The following RERE variants were observed in gnomAD, a reference collection of about 807,000 sequenced individuals.
RERE encodes arginine-glutamic acid dipeptide repeats protein.
Under a neutral mutation model 146.1 loss-of-function variants are expected in RERE, and 40 were observed. The ratio of observed to expected loss-of-function variants is 0.27; its 90% confidence interval spans 0.21 to 0.36. The LOEUF (loss-of-function observed/expected upper bound fraction) is 0.36. RERE is among the 10% of genes least tolerant of loss of function. The pLI, the probability that RERE is intolerant of heterozygous loss-of-function variation, is 1.00. For missense variants in RERE, 1,933 were observed against 2,138.7 expected (o/e 0.90, Z 1.90); for synonymous variants, 1,003 against 866.0 (o/e 1.16, Z -2.78).
chr1:8,570,238 G>C (rs1157930658), intron 4 of RERE, among the ~76,000 whole-genome samples: 1 of 152,072 alleles, frequency 6.6e-6, no homozygotes, highest in Non-Finnish European at 1.5e-5. Context: ...TCAGGAGGCT[G>C]AGGCAGGAGA....
At chr1:8,658,886 T>TA (rs1379525334) in intron 1 of RERE, among the ~76,000 whole-genome samples, 4 of 152,334 alleles carry the variant, frequency 2.6e-5, no homozygotes, top group Admixed American at 2.6e-4. Context: ...GACCTCCTCA[T>TA]AAGCATCTCA....
intron 12 of RERE, among the ~76,000 whole-genome samples, chr1:8,390,031 G>A (rs1438927465): frequency 6.6e-6 from 1 of 152,144 alleles, no homozygotes; most frequent in African/African-American, 2.4e-5. Flanking sequence ...AAGAACAAGA[G>A]TAGTTAGACA....
intron 1 of RERE, among the ~76,000 whole-genome samples, chr1:8,794,163 C>T (rs1179213070): frequency 6.6e-6 from 1 of 151,346 alleles, no homozygotes; most frequent in East Asian, 1.9e-4. Context: ...TTTGGGAGGC[C>T]GAGGTGGGCA....
At chr1:8,454,858 A>G (rs2124085803) in intron 11 of RERE, among the ~76,000 whole-genome samples, 1 of 152,062 alleles carries the variant, frequency 6.6e-6, no homozygotes, top group East Asian at 1.9e-4. Context: ...CTGAAGACTC[A>G]AGAAGGGGAG....
At chr1:8,396,361 C>A (rs1331775422) in intron 12 of RERE, among the ~76,000 whole-genome samples, 1 of 152,126 alleles carries the variant, frequency 6.6e-6, no homozygotes, top group Non-Finnish European at 1.5e-5. Flanking sequence ...AACTCACATA[C>A]AAAGTACCTG....
rs1186718390 is a variant in RERE at position 8,369,508 on chromosome 1, T to TAAAAAAAAAAAAAAA, written c.1285-3549_1285-3535dup. Among the ~76,000 whole-genome samples, 64 of 76,886 alleles carry TAAAAAAAAAAAAAAA rather than the reference T, an allele frequency of 8.3e-4. 2 individuals carry two copies. Among genetic ancestry groups the TAAAAAAAAAAAAAAA allele is most frequent in the African/African-American group, 2.2e-3 (51 of 23,650 alleles). 50.4% of individuals were successfully genotyped at this position (76,886 alleles called of 152,430 possible). A position where few individuals can be genotyped will look rare whatever the true frequency, so the allele number is the denominator to read the frequency against. On this transcript the variant is annotated intron_variant, in intron 12 of 22. Coordinates refer to ENST00000400908, the MANE Select transcript of RERE (RefSeq NM_001042681.2). ...ATCGAATAAATCTTTCGCCTTTTACTAAAAAAAAAAAAAAAAAAAAAAAAA... is the reference window on the plus strand; with the variant it reads ...ATCGAATAAATCTTTCGCCTTTTACTAAAAAAAAAAAAAAAAAAAAAAAAAAAAAAAAAAAAAAAA...
At chr1:8,547,576 C>T (rs1441268745) in intron 6 of RERE, among the ~76,000 whole-genome samples, 2 of 152,066 alleles carry the variant, frequency 1.3e-5, no homozygotes, top group East Asian at 1.9e-4. Flanking sequence ...ATAGAAAATA[C>T]ATAAACAGAC....
chr1:8,570,949 A>T (rs562940240), intron 4 of RERE, among the ~76,000 whole-genome samples: 2 of 152,334 alleles, frequency 1.3e-5, no homozygotes, highest in South Asian at 4.1e-4. Context: ...AAGAAGAAAA[A>T]TCTAAATAGG....
At chr1:8,731,219 G>A (rs1052689523) in intron 1 of RERE, among the ~76,000 whole-genome samples, 5 of 152,136 alleles carry the variant, frequency 3.3e-5, no homozygotes, top group Non-Finnish European at 5.9e-5. Flanking sequence ...AGACTTAAGA[G>A]GGACCTATAT....
chr1:8,485,947 G>A (rs1165904223), intron 10 of RERE, among the ~76,000 whole-genome samples: 2 of 151,918 alleles, frequency 1.3e-5, no homozygotes, highest in East Asian at 1.9e-4. Context: ...CTACAGGTGT[G>A]CGCCACCACA....
intron 7 of RERE, among the ~76,000 whole-genome samples, chr1:8,536,467 TG>T (rs1645728937): frequency 6.6e-6 from 1 of 152,226 alleles, no homozygotes; most frequent in African/African-American, 2.4e-5. Flanking sequence ...CACGTCCCTA[TG>T]GTCATCTCTT....
intron 11 of RERE, 116 bp from the exon 12 acceptor site, chr1:8,422,923 A>G: frequency 1.3e-6 from 1 of 750,146 alleles, no homozygotes; most frequent in Non-Finnish European, 2.3e-6. Flanking sequence ...TCGGCTAGGG[A>G]ATACTGCCGA....
At chr1:8,493,214 GCAGTAGTAT>G (rs1645000742) in intron 10 of RERE, among the ~76,000 whole-genome samples, 1 of 152,152 alleles carries the variant, frequency 6.6e-6, no homozygotes, top group South Asian at 2.1e-4. Context: ...CCTCTACTGG[GCAGTAGTAT>G]CATCAACCTC....
intron 6 of RERE, among the ~76,000 whole-genome samples, chr1:8,554,339 C>T (rs1029967519): frequency 2.6e-5 from 4 of 152,218 alleles, no homozygotes; most frequent in East Asian, 3.9e-4. Context: ...TCCCTCAACC[C>T]GTGAGACAAG....
rs533798714 is a variant in RERE at position 8,360,206 on chromosome 1, C to T, written c.3301G>A (p.Ala1101Thr). The change falls in exon 18 of 23, where the codon GCT becomes ACT. Residue 1101 changes from alanine (A) to threonine (T), a missense_variant. Physicochemically the swap from Ala to Thr is moderately conservative, Grantham distance 58. Transcript: ENST00000400908. The stretch of plus-strand genomic sequence containing the variant: ...GGAGGGGGGCTCTCAGGCTCCTCAG[C>T]GTCGTCCAGAGCCTCCTCCTTGATC... ...VQIKEEALDD[A>T]EEPESPPPPP... 3.0e-5 allele frequency: 47 copies of T among 1,592,506 alleles called. No homozygotes were observed. Among genetic ancestry groups the T allele is most frequent in the African/African-American group, 1.5e-4 (11 of 74,550 alleles).
chr1:8,726,147 C>CTTTTCTTTTTTTTTTTT (rs1639960710), intron 1 of RERE, among the ~76,000 whole-genome samples: 57 of 69,414 alleles, frequency 8.2e-4, no homozygotes, highest in African/African-American at 3.7e-3. Context: ...TTTTTCTTTT[C>CTTTTCTTTTTTTTTTTT]TTTTTTTTTT....
At chr1:8,430,411 C>A (rs1419734652) in intron 11 of RERE, among the ~76,000 whole-genome samples, 1 of 152,118 alleles carries the variant, frequency 6.6e-6, no homozygotes, top group East Asian at 1.9e-4. Context: ...CCAGGAGAGC[C>A]AGTTAATAGT....
At chr1:8,547,395 A>T (rs1459704343) in intron 6 of RERE, among the ~76,000 whole-genome samples, 2 of 150,808 alleles carry the variant, frequency 1.3e-5, no homozygotes, top group Non-Finnish European at 3.0e-5. Context: ...ATCCAGAGGC[A>T]ATAAAAGACT....
chr1:8,700,707 A>C (rs1639428291), intron 1 of RERE, among the ~76,000 whole-genome samples: 1 of 152,124 alleles, frequency 6.6e-6, no homozygotes, highest in South Asian at 2.1e-4. Flanking sequence ...TTTCTGCTTG[A>C]GTTTTACAAA....
Sources: allele counts gnomAD v4.1 joint callset (sites outside exome capture counted in the v4.1 genomes callset), GRCh38; gene constraint gnomAD v4.1.1; transcripts MANE v1.5; gene names NCBI Gene and HGNC (gene_info 2026-07-23, HGNC 2026-07-21).